The following NRXN3 variants were observed in gnomAD, a reference collection of about 807,000 sequenced individuals.
NRXN3 encodes neurexin 3.
NRXN3 carries 32 observed loss-of-function variants against 137.6 expected under a neutral mutation model. The ratio of observed to expected loss-of-function variants is 0.23; its 90% CI spans 0.18 to 0.31. The LOEUF is 0.31. NRXN3 is among the 10% of genes least tolerant of loss of function. NRXN3 has a pLI of 1.00. For missense variants in NRXN3, 1,574 were observed against 2,062.5 expected (o/e 0.76, Z 4.59); for synonymous variants, 798 against 784.5 (o/e 1.02, Z -0.29).
intron 16 of NRXN3, among the ~76,000 whole-genome samples, chr14:79,490,589 T>C (rs954645752): frequency 3.3e-5 from 5 of 152,010 alleles, no homozygotes; most frequent in African/African-American, 1.2e-4. Flanking sequence ...TCATACGTTC[T>C]TACATATTTG....
intron 14 of NRXN3, among the ~76,000 whole-genome samples, chr14:78,983,270 A>G (rs894851235): frequency 1.3e-5 from 2 of 152,228 alleles, no homozygotes; most frequent in Non-Finnish European, 2.9e-5. Context: ...GAATTACCAT[A>G]TGATTCAGCA....
At chr14:79,604,954 C>T (rs1052714973) in intron 16 of NRXN3, among the ~76,000 whole-genome samples, 1 of 152,070 alleles carries the variant, frequency 6.6e-6, no homozygotes, top group Non-Finnish European at 1.5e-5. Context: ...ATCGCTTGAA[C>T]CCAGGAGGTG....
chr14:79,240,350 C>T lies in NRXN3; in HGVS notation c.3263-226871C>T, dbSNP rs139313069. Among the ~76,000 whole-genome samples the T allele has an allele frequency of 1.9e-4, 29 of 152,214 alleles. No homozygotes were observed. In the East Asian group the frequency reaches 5.6e-3, roughly 29 times the overall value. On this transcript the variant is annotated intron_variant, in intron 15 of 20. Transcript: ENST00000335750. Reference sequence around the variant, plus strand: ...ATGCTTCAGGCCCCAAAGAAGTTTTCCTCCCTGTTACCTTGCAAAGGTAGC... The same window carrying T: ...ATGCTTCAGGCCCCAAAGAAGTTTTTCTCCCTGTTACCTTGCAAAGGTAGC...
chr14:78,488,785 G>A (rs964305580), intron 4 of NRXN3, among the ~76,000 whole-genome samples: 4 of 150,818 alleles, frequency 2.7e-5, no homozygotes, highest in Non-Finnish European at 5.9e-5. Flanking sequence ...GAAAGGGGAG[G>A]GGGAGGAGAA....
chr14:78,800,992 C>A (rs934358224), intron 8 of NRXN3, among the ~76,000 whole-genome samples: 2 of 152,168 alleles, frequency 1.3e-5, no homozygotes, highest in African/African-American at 2.4e-5. Flanking sequence ...AATTATATGT[C>A]TGATGCTGTA....
intron 1 of NRXN3, among the ~76,000 whole-genome samples, chr14:78,237,652 A>G (rs2066493448): frequency 6.6e-6 from 1 of 152,216 alleles, no homozygotes; most frequent in South Asian, 2.1e-4. Flanking sequence ...TCTTGAAACT[A>G]ATCACTGTGG....
intron 19 of NRXN3, among the ~76,000 whole-genome samples, chr14:79,792,796 C>T (rs367863663): frequency 3.2e-4 from 49 of 152,144 alleles, no homozygotes; most frequent in South Asian, 6.2e-4. Flanking sequence ...AAAGCCAATG[C>T]GAGCAAAGGT....
intron 4 of NRXN3, among the ~76,000 whole-genome samples, chr14:78,455,247 G>A (rs776483898): frequency 7.2e-5 from 11 of 152,150 alleles, no homozygotes; most frequent in Admixed American, 2.6e-4. Flanking sequence ...TCCACATCTT[G>A]GGTGGACCCT....
At chr14:78,178,281 G>A (rs1277807694) in intron 1 of NRXN3, among the ~76,000 whole-genome samples, 2 of 152,232 alleles carry the variant, frequency 1.3e-5, no homozygotes, top group Admixed American at 6.5e-5. Context: ...CAGGCAGTCA[G>A]CTGACTCACA....
chr14:78,593,807 T>G (rs1217699490), intron 4 of NRXN3, among the ~76,000 whole-genome samples: 2 of 152,112 alleles, frequency 1.3e-5, no homozygotes, highest in Non-Finnish European at 2.9e-5. Flanking sequence ...CGAGAGTGAC[T>G]TGGGCTTAGC....
chr14:78,623,871 C>T (rs1311630179), intron 4 of NRXN3, among the ~76,000 whole-genome samples: 6 of 152,186 alleles, frequency 3.9e-5, no homozygotes, highest in African/African-American at 9.7e-5. Flanking sequence ...GGCACCCGGG[C>T]TGATGCCATT....
intron 16 of NRXN3, among the ~76,000 whole-genome samples, chr14:79,580,856 G>A (rs1490520543): frequency 6.6e-6 from 1 of 152,130 alleles, no homozygotes; most frequent in Non-Finnish European, 1.5e-5. Flanking sequence ...ATGAAATAGA[G>A]TTGGGGAGGG....
intron 16 of NRXN3, among the ~76,000 whole-genome samples, chr14:79,649,278 C>T (rs763667160): frequency 1.3e-5 from 2 of 152,102 alleles, no homozygotes; most frequent in Non-Finnish European, 2.9e-5. Context: ...GCCTGTGAGC[C>T]TCTGGCCAGG....
At chr14:78,861,021 A>G (rs2099070831) in intron 10 of NRXN3, among the ~76,000 whole-genome samples, 1 of 152,156 alleles carries the variant, frequency 6.6e-6, no homozygotes, top group African/African-American at 2.4e-5. Flanking sequence ...AGTTGGTGGT[A>G]TAAATGGCAT....
At chr14:78,223,222 C>A (rs1404610094) in intron 1 of NRXN3, among the ~76,000 whole-genome samples, 2 of 152,198 alleles carry the variant, frequency 1.3e-5, no homozygotes, top group Non-Finnish European at 2.9e-5. Flanking sequence ...ATTCAGATTT[C>A]TTTCCTACAA....
intron 15 of NRXN3, among the ~76,000 whole-genome samples, chr14:79,229,685 G>T (rs1164562002): frequency 1.3e-5 from 2 of 152,102 alleles, no homozygotes; most frequent in African/African-American, 4.8e-5. Context: ...ACCCCAGGAA[G>T]CCAGGACTGC....
intron 19 of NRXN3, among the ~76,000 whole-genome samples, chr14:79,726,998 A>G (rs137994454): frequency 6.6e-6 from 1 of 152,318 alleles, no homozygotes; most frequent in African/African-American, 2.4e-5. Flanking sequence ...AAAGTAATTT[A>G]TATAAAGTAC....
chr14:79,213,828 G>T (rs2068076878), intron 15 of NRXN3, among the ~76,000 whole-genome samples: 1 of 152,152 alleles, frequency 6.6e-6, no homozygotes, highest in African/African-American at 2.4e-5. Context: ...CAGAAGGAGG[G>T]ACTGGCCCTT....
intron 4 of NRXN3, among the ~76,000 whole-genome samples, chr14:78,325,493 AC>A (rs2079955042): frequency 6.6e-6 from 1 of 152,138 alleles, no homozygotes; most frequent in Admixed American, 6.5e-5. Context: ...CAAATGTGAT[AC>A]CCTAACACCA....
Sources: allele counts gnomAD v4.1 joint callset (sites outside exome capture counted in the v4.1 genomes callset), GRCh38; gene constraint gnomAD v4.1.1; transcripts MANE v1.5; gene names NCBI Gene and HGNC (gene_info 2026-07-23, HGNC 2026-07-21).